The following ADAMTS3 variants were observed in gnomAD, a reference collection of about 807,000 sequenced individuals.
ADAMTS3 encodes A disintegrin and metalloproteinase with thrombospondin motifs 3.
In ADAMTS3, 73 loss-of-function variants were observed where a neutral mutation model predicts 129.0. The observed-to-expected ratio is 0.57, with a 90% CI of 0.47 to 0.69. The LOEUF (loss-of-function observed/expected upper bound fraction) is 0.69. ADAMTS3 is among the 30% of genes least tolerant of loss of function. The pLI is 0.00. For missense variants in ADAMTS3, 1,457 were observed against 1,514.5 expected, an observed-to-expected ratio of 0.96 and a Z score of 0.63; for synonymous variants, 477 against 510.8, an observed-to-expected ratio of 0.93 and a Z score of 0.89.
At chr4:72,386,234 T>C (rs1482240297) in intron 4 of ADAMTS3, among the ~76,000 whole-genome samples, 1 of 152,190 alleles carries the variant, frequency 6.6e-6, no homozygotes, top group Non-Finnish European at 1.5e-5. Context: ...TTTCTTTCAC[T>C]TTTTTCTTTC....
At chr4:72,521,798 G>C (rs1223786748) in intron 3 of ADAMTS3, among the ~76,000 whole-genome samples, 1 of 152,196 alleles carries the variant, frequency 6.6e-6, no homozygotes, top group Non-Finnish European at 1.5e-5. Flanking sequence ...ATAAAGAGCA[G>C]TTACCAGGAA....
chr4:72,291,492 C>A (rs979047777), intron 19 of ADAMTS3, among the ~76,000 whole-genome samples: 2 of 148,500 alleles, frequency 1.3e-5, no homozygotes, highest in African/African-American at 5.0e-5. Flanking sequence ...TGAGTGAGAA[C>A]ATGCGGTGTT....
intron 4 of ADAMTS3, among the ~76,000 whole-genome samples, chr4:72,364,487 C>T (rs933511401): frequency 2.6e-5 from 4 of 151,650 alleles, no homozygotes; most frequent in African/African-American, 7.3e-5. Context: ...TGGTGGCACA[C>T]GCCTGTAATC....
At chr4:72,408,886 G>C (rs13118185) in intron 4 of ADAMTS3, among the ~76,000 whole-genome samples, 95,209 of 150,792 alleles carry the variant, frequency 0.63, 30,536 homozygotes, top group South Asian at 0.79. Context: ...TGGACACAGG[G>C]AGGAGAACAT....
At chr4:72,346,818 C>A (rs1560481484) in intron 4 of ADAMTS3, among the ~76,000 whole-genome samples, 1 of 152,010 alleles carries the variant, frequency 6.6e-6, no homozygotes, top group African/African-American at 2.4e-5. Flanking sequence ...TTTTGCCAGG[C>A]AGTACATGCA....
chr4:72,429,299 G>T (rs1353902234), intron 3 of ADAMTS3, among the ~76,000 whole-genome samples: 3 of 151,972 alleles, frequency 2.0e-5, no homozygotes, highest in African/African-American at 4.8e-5. Flanking sequence ...TAAAGATATA[G>T]TAAGTCCTAT....
At chr4:72,443,657 T>C (rs1481672) in intron 3 of ADAMTS3, among the ~76,000 whole-genome samples, 6,440 of 151,434 alleles carry the variant, frequency 0.043, 196 homozygotes, top group Non-Finnish European at 0.062. Flanking sequence ...TAATATTTCC[T>C]TTAGGGAAAT....
At chr4:72,530,787 C>T (rs1315261074) in intron 3 of ADAMTS3, among the ~76,000 whole-genome samples, 6 of 84,878 alleles carry the variant, frequency 7.1e-5, no homozygotes, top group East Asian at 2.9e-4. Flanking sequence ...TTATATTATA[C>T]ATTATATATT....
At chr4:72,490,408 C>A (rs1043232141) in intron 3 of ADAMTS3, among the ~76,000 whole-genome samples, 1 of 151,716 alleles carries the variant, frequency 6.6e-6, no homozygotes, top group Non-Finnish European at 1.5e-5. Context: ...GTGATCATAT[C>A]AAAAAAATTA....
At chr4:72,426,268 C>G (rs905274915) in intron 3 of ADAMTS3, among the ~76,000 whole-genome samples, 4 of 152,072 alleles carry the variant, frequency 2.6e-5, no homozygotes, top group Admixed American at 2.0e-4. Context: ...CAAAAATTTT[C>G]TCCTATGCTG....
At chr4:72,528,400 T>C (rs530281650) in intron 3 of ADAMTS3, among the ~76,000 whole-genome samples, 1 of 151,996 alleles carries the variant, frequency 6.6e-6, no homozygotes, top group Non-Finnish European at 1.5e-5. Context: ...TGATAAATAT[T>C]GGAAGCAATC....
At chr4:72,448,109 C>A (rs1336477281) in intron 3 of ADAMTS3, among the ~76,000 whole-genome samples, 1 of 151,674 alleles carries the variant, frequency 6.6e-6, no homozygotes, top group Non-Finnish European at 1.5e-5. Context: ...AGGTTCAGGG[C>A]CCCTTATTTA....
At chr4:72,291,235 T>C (rs913517506) in intron 19 of ADAMTS3, among the ~76,000 whole-genome samples, 173 bp from the exon 20 acceptor site, 2 of 151,994 alleles carry the variant, frequency 1.3e-5, no homozygotes, top group African/African-American at 4.8e-5. Flanking sequence ...TTTTTAACAA[T>C]AGTAGGCTGA....
At chr4:72,301,937 A>G (rs560860065) in intron 17 of ADAMTS3, among the ~76,000 whole-genome samples, 1 of 152,230 alleles carries the variant, frequency 6.6e-6, no homozygotes, top group South Asian at 2.1e-4. Flanking sequence ...GCTCAAGCCA[A>G]GACACCAGGC....
intron 2 of ADAMTS3, among the ~76,000 whole-genome samples, chr4:72,557,476 T>A (rs1188652156): frequency 6.6e-6 from 1 of 151,904 alleles, no homozygotes; most frequent in East Asian, 1.9e-4. Context: ...TCACCACAAG[T>A]CCGACACCCT....
chr4:72,417,614 T>C (rs77526407), intron 3 of ADAMTS3, among the ~76,000 whole-genome samples: 5,553 of 152,036 alleles, frequency 0.037, 120 homozygotes, highest in Non-Finnish European at 0.048. Context: ...ATTTATTAAT[T>C]TAAGTAAAGT....
intron 5 of ADAMTS3, among the ~76,000 whole-genome samples, chr4:72,337,084 G>C (rs771470280): frequency 6.6e-6 from 1 of 151,998 alleles, no homozygotes; most frequent in Non-Finnish European, 1.5e-5. Context: ...CTTTCAGTTG[G>C]TCATGAAGTT....
chr4:72,354,991 T>G (rs1487849029), intron 4 of ADAMTS3, among the ~76,000 whole-genome samples: 1 of 152,026 alleles, frequency 6.6e-6, no homozygotes, highest in African/African-American at 2.4e-5. Flanking sequence ...AAGCTTTTGG[T>G]ATTGCAAATT....
intron 3 of ADAMTS3, among the ~76,000 whole-genome samples, chr4:72,463,698 CAAAAAA>C (rs3034505): frequency 1.6e-5 from 2 of 123,344 alleles, no homozygotes; most frequent in Non-Finnish European, 3.5e-5. Context: ...CTAAAACAGG[CAAAAAA>C]AAAAAAAAAA....
Sources: gnomAD v4.1 joint callset for allele counts (sites outside exome capture counted in the v4.1 genomes callset) on GRCh38, gnomAD v4.1.1 for gene constraint, MANE v1.5 for transcripts, NCBI Gene and HGNC (gene_info 2026-07-23, HGNC 2026-07-21) for gene names.